Variants in ZNF443 observed in about 807,000 individuals in gnomAD.
The protein encoded by ZNF443 is zinc finger protein 443, also known as Kruppel-type zinc finger (C2H2).
Under a neutral mutation model 12.0 loss-of-function variants are expected in ZNF443, and 3 were observed. The observed-to-expected ratio is 0.25, with a 90% CI of 0.11 to 0.64. The LOEUF is 0.64. Among genes scored for constraint, ZNF443 ranks in the 30% least tolerant of loss-of-function variants. The pLI is 0.84. For synonymous variants in ZNF443, 225 were observed against 265.9 expected (o/e 0.85, Z 1.50); for missense variants, 770 against 808.8 (o/e 0.95, Z 0.58).
chr19:12,431,305 G>A lies in ZNF443; in HGVS notation c.867C>T (p.Ala289=). 1 of 1,614,122 alleles carries A rather than the reference G, an allele frequency of 6.2e-7. No homozygotes were observed. The highest frequency in any genetic ancestry group is 8.5e-7 in the Non-Finnish European group (1 of 1,179,974). ...TTAGACAAGAACTGGAATCAGGGAA[G>A]GCTTTAGAACACTGCTTACATTTAT... The part of the protein sequence containing the change: ...KPYKCKQCSK[A]FPDSSSCLIH... Residue 289 remains alanine (A), a synonymous_variant, in exon 4 of 4, where the codon GCC becomes GCT. Coordinates refer to ENST00000301547, the MANE Select transcript of ZNF443 (RefSeq NM_005815.5).
At chr19:12,432,008 A>C in intron 3 of ZNF443, 28 bp from the exon 4 acceptor site, 2 of 1,507,894 alleles carry the variant, frequency 1.3e-6, no homozygotes, top group Middle Eastern at 1.8e-4. Flanking sequence ...TATATCACTA[A>C]AAGTCGGTCT....
rs1192243739 is a variant in ZNF443 at position 12,431,620 on chromosome 19, A to G, written c.552T>C (p.Leu184=). 1.9e-6 allele frequency: 3 copies of G among 1,614,156 alleles called. No homozygotes were observed. The highest frequency in any genetic ancestry group is 3.3e-5 in the Admixed American group (2 of 60,014). ...CACGCTGCACTGCCATGTGTCTTTG[A>G]AGGTTTCCCAAAGAACTGAAGGACT... is the stretch of plus-strand genomic sequence containing the variant. ...CGKSFSSLGN[L]QRHMAVQRGD... The change falls in exon 4 of 4, where the codon CTT becomes CTC. Residue 184 remains leucine, a synonymous_variant. Coordinates refer to ENST00000301547, the MANE Select transcript of ZNF443 (RefSeq NM_005815.5).
At position 12,431,322 on chromosome 19, in the gene ZNF443, T is replaced by G. The variant is rs745339009; in HGVS notation, c.850A>C (p.Lys284Gln). Residue 284 changes from lysine (K) to glutamine (Q), a missense_variant, in exon 4 of 4, where the codon AAG (lysine) becomes CAG (glutamine). Lys to Gln is a moderately conservative substitution (Grantham distance 53, BLOSUM62 1). Coordinates refer to ENST00000301547, the MANE Select transcript of ZNF443 (RefSeq NM_005815.5). ...TCAGGGAAGGCTTTAGAACACTGCT[T>G]ACATTTATATGGTTTCTCCCCAGTA... ...THTGEKPYKCKQCSKAFPDSS... is the reference protein window; with the variant it reads ...THTGEKPYKCQQCSKAFPDSS... The G allele has an allele frequency of 1.2e-6, 2 of 1,614,052 alleles. No homozygotes were observed. Among genetic ancestry groups the G allele is most frequent in the African/African-American group, 2.7e-5 (2 of 74,950 alleles).
rs748533128 is a variant in ZNF443 at position 12,431,329 on chromosome 19, A to G, written c.843T>C (p.Tyr281=). ...AGGCTTTAGAACACTGCTTACATTT[A>G]TATGGTTTCTCCCCAGTATGTGTTC... ...HERTHTGEKP[Y]KCKQCSKAFP... is the part of the protein sequence containing the mutation. Residue 281 remains tyrosine, a synonymous_variant, in exon 4 of 4, where the codon TAT becomes TAC. Coordinates refer to ENST00000301547, the MANE Select transcript of ZNF443 (RefSeq NM_005815.5). The G allele has an allele frequency of 1.2e-6, 2 of 1,613,972 alleles. No individual in the cohort carries two copies. Among genetic ancestry groups the G allele is most frequent in the Non-Finnish European group, 1.7e-6 (2 of 1,179,958 alleles).
rs751603781 is a variant in ZNF443 at position 12,440,921 on chromosome 19, A to G, written c.-7T>C. 6.2e-7 allele frequency: 1 copy of G among 1,613,832 alleles called. No individual in the cohort carries two copies. On this transcript the variant is annotated 5_prime_UTR_variant, in exon 1 of 4. Transcript: ENST00000301547. The stretch of plus-strand genomic sequence containing the variant: ...GGCCCAGCACACGCACCATTTCCCG[A>G]CTTCCGCGGTGTCCCAGGTCCTACC...
rs778442551 is a variant in ZNF443 at position 12,430,604 on chromosome 19, T to C, written c.1568A>G (p.Lys523Arg). Residue 523 changes from lysine to arginine, a missense_variant, in exon 4 of 4, where the codon AAA (lysine) becomes AGA (arginine). Lys to Arg is a conservative substitution (Grantham distance 26). Around this residue, in one of 3 missense-constraint regions of ZNF443, gnomAD observed 736 missense variants for 689.4 expected, o/e 1.07. Transcript: ENST00000301547. ...FSRFRYLSRH[K>R]RTHTGEKPYE... ...AGGTTTCTCTCCTGTGTGAGTCCTT[T>C]TATGTCGAGAAAGGTATCTGAAACG... is the stretch of plus-strand genomic sequence containing the variant. 12 of 1,613,828 alleles carry C rather than the reference T, an allele frequency of 7.4e-6. No individual in the cohort carries two copies. The highest frequency in any genetic ancestry group is 3.3e-4 in the Middle Eastern group (2 of 6,082).
At chr19:12,436,292 C>A (rs1177545636) in intron 1 of ZNF443, among the ~76,000 whole-genome samples, 2 of 146,190 alleles carry the variant, frequency 1.4e-5, no homozygotes, top group African/African-American at 2.6e-5. Flanking sequence ...ACCAGCCTGG[C>A]CAATGTGGTG....
Position 12,431,792 on chromosome 19 carries a change from C to G in ZNF443, c.380G>C (p.Gly127Ala). The stretch of plus-strand genomic sequence containing the variant: ...TTCATGATACTCATGTGGTTTGTGC[C>G]CAGCACCAACTCTGATGTAACAATT... The part of the protein sequence containing the change: ...SLNCYIRVGA[G>A]HKPHEYHECG... Residue 127 changes from glycine to alanine, a missense_variant, in exon 4 of 4, where the codon GGG becomes GCG. Gly to Ala is a moderately conservative substitution (Grantham distance 60). Transcript: ENST00000301547. The G allele has an allele frequency of 1.9e-6, 3 of 1,614,100 alleles. No homozygotes were observed. The highest frequency in any genetic ancestry group is 2.5e-6 in the Non-Finnish European group (3 of 1,180,004).
chr19:12,430,279 C>A lies in ZNF443; in HGVS notation c.1893G>T (p.Leu631Phe), dbSNP rs1352317351. 1 of 1,611,192 alleles carries A rather than the reference C, an allele frequency of 6.2e-7. No individual in the cohort carries two copies. The highest frequency in any genetic ancestry group is 8.5e-7 in the Non-Finnish European group (1 of 1,179,096). Residue 631 changes from leucine to phenylalanine, a missense_variant, in exon 4 of 4, where the codon TTG (leucine) becomes TTT (phenylalanine). By Grantham distance (22) the Leu-to-Phe change is conservative (BLOSUM62 0). Transcript: ENST00000301547. Reference sequence around the variant, plus strand: ...TCCAGTGAGTCTTTTTATGTCTATGCAAGGAACTGAGAGAAGCAAATGCTT... The same window carrying A: ...TCCAGTGAGTCTTTTTATGTCTATGAAAGGAACTGAGAGAAGCAAATGCTT... Reference protein sequence around the residue: ...CGKAFASLSSLHRHKKTHWKK... With the variant: ...CGKAFASLSSFHRHKKTHWKK...
At position 12,431,780 on chromosome 19, in the gene ZNF443, T is replaced by A; in HGVS notation, c.392A>T (p.His131Leu). Reference sequence around the variant, plus strand: ...CTTCTCTCCACATTCATGATACTCATGTGGTTTGTGCCCAGCACCAACTCT... The same window carrying A: ...CTTCTCTCCACATTCATGATACTCAAGTGGTTTGTGCCCAGCACCAACTCT... ...YIRVGAGHKP[H>L]EYHECGEKPD... Residue 131 changes from histidine to leucine, a missense_variant, in exon 4 of 4, where the codon CAT becomes CTT. Physicochemically the swap from His to Leu is moderately conservative, Grantham distance 99. This residue lies in a region of ZNF443 where 736 missense variants were observed against 689.4 expected (regional missense o/e 1.07). Transcript: ENST00000301547. 6.2e-7 allele frequency: 1 copy of A among 1,614,194 alleles called. No individual in the cohort carries two copies. Among genetic ancestry groups the A allele is most frequent in the Non-Finnish European group, 8.5e-7 (1 of 1,180,014 alleles).
chr19:12,433,704 T>A (rs1258666339), intron 1 of ZNF443, among the ~76,000 whole-genome samples: 2 of 152,132 alleles, frequency 1.3e-5, no homozygotes, highest in African/African-American at 4.8e-5. Flanking sequence ...AGTATTTCGT[T>A]AACTCCCATC....
chr19:12,430,651 C>T lies in ZNF443; in HGVS notation c.1521G>A (p.Lys507=), dbSNP rs887973522. 2 of 1,613,948 alleles carry T rather than the reference C, an allele frequency of 1.2e-6. No individual in the cohort carries two copies. Among genetic ancestry groups the T allele is most frequent in the African/African-American group, 1.3e-5 (1 of 74,920 alleles). ...THTGEKPYEC[K]ECGKAFSRFR... Reference sequence around the variant, plus strand: ...AACGACTGAATGCTTTCCCACATTCCTTACACTCATATGGCTTCTCTCCAG... The same window carrying T: ...AACGACTGAATGCTTTCCCACATTCTTTACACTCATATGGCTTCTCTCCAG... Residue 507 remains lysine (K), a synonymous_variant, in exon 4 of 4, where the codon AAG becomes AAA. Coordinates refer to ENST00000301547, the MANE Select transcript of ZNF443 (RefSeq NM_005815.5).
Position 12,430,920 on chromosome 19 carries a change from C to T in ZNF443, c.1252G>A (p.Asp418Asn). The T allele has an allele frequency of 6.2e-7, 1 of 1,614,006 alleles. No homozygotes were observed. Among genetic ancestry groups the T allele is most frequent in the Non-Finnish European group, 8.5e-7 (1 of 1,179,980 alleles). ...CATACCTTGCATTTATGAGGTCCAT[C>T]TCCAGTGTGCATTATCATATGACTT... ...FRSHMIMHTGDGPHKCKVCGK... is the reference protein window; with the variant it reads ...FRSHMIMHTGNGPHKCKVCGK... Residue 418 changes from aspartate (D) to asparagine (N), a missense_variant, in exon 4 of 4, where the codon GAT becomes AAT. Physicochemically the swap from Asp to Asn is conservative, Grantham distance 23 (BLOSUM62 1). This residue lies in a region of ZNF443 where 736 missense variants were observed against 689.4 expected (regional missense o/e 1.07). Transcript: ENST00000301547.
At chr19:12,432,083 C>T in intron 3 of ZNF443, 103 bp from the exon 4 acceptor site, 1 of 1,002,068 alleles carries the variant, frequency 1.0e-6, no homozygotes. Flanking sequence ...ATGCGAAGTG[C>T]AGGCTTCGTG....
intron 1 of ZNF443, among the ~76,000 whole-genome samples, chr19:12,439,053 C>T (rs543045473): frequency 6.6e-6 from 1 of 152,180 alleles, no homozygotes; most frequent in South Asian, 2.1e-4. Context: ...CTGGGACATC[C>T]CTTAACCCTA....
At position 12,430,636 on chromosome 19, in the gene ZNF443, T is replaced by A; in HGVS notation, c.1536A>T (p.Ala512=). 1.2e-6 allele frequency: 2 copies of A among 1,614,066 alleles called. No homozygotes were observed. Among genetic ancestry groups the A allele is most frequent in the Non-Finnish European group, 1.7e-6 (2 of 1,179,948 alleles). ...GAGAAAGGTATCTGAAACGACTGAA[T>A]GCTTTCCCACATTCCTTACACTCAT... is the stretch of plus-strand genomic sequence containing the variant. ...KPYECKECGK[A]FSRFRYLSRH... Residue 512 remains alanine, a synonymous_variant, in exon 4 of 4, where the codon GCA becomes GCT. Coordinates refer to ENST00000301547, the MANE Select transcript of ZNF443 (RefSeq NM_005815.5).
In ZNF443 at chr19:12,430,676, G is replaced by A. The variant is rs749880157; in HGVS notation, c.1496C>T (p.Thr499Ile). Residue 499 changes from threonine (T) to isoleucine (I), a missense_variant, in exon 4 of 4, where the codon ACT (threonine) becomes ATT (isoleucine). Physicochemically the swap from Thr to Ile is moderately conservative, Grantham distance 89. Transcript: ENST00000301547. ...CTTACACTCATATGGCTTCTCTCCAGTGTGAGTTGTTTTGTGATTTTGAAA... is the reference window on the plus strand; with the variant it reads ...CTTACACTCATATGGCTTCTCTCCAATGTGAGTTGTTTTGTGATTTTGAAA... ...CSFQNHKTTH[T>I]GEKPYECKEC... The A allele has an allele frequency of 1.2e-6, 2 of 1,614,066 alleles. No individual in the cohort carries two copies. Among genetic ancestry groups the A allele is most frequent in the South Asian group, 1.1e-5 (1 of 91,076 alleles).
rs765416042 is a variant in ZNF443, at chr19:12,432,012, T to C, written c.192-32A>G. 6.0e-6 allele frequency: 9 copies of C among 1,501,430 alleles called. No homozygotes were observed. In the East Asian group the frequency reaches 1.8e-4, roughly 30 times the overall value. The allele number at this position is 1,501,430 out of a possible 1,614,324, so 93.0% of individuals were successfully genotyped here. ...AAAATGGGAAATATATCACTAAAAG[T>C]CGGTCTATAAATAATTGTATAGGTA... On this transcript the variant is annotated intron_variant, in intron 3 of 3. Coordinates refer to ENST00000301547, the MANE Select transcript of ZNF443 (RefSeq NM_005815.5).
chr19:12,435,860 G>T (rs1238431921), intron 1 of ZNF443, among the ~76,000 whole-genome samples: 1 of 151,808 alleles, frequency 6.6e-6, no homozygotes, highest in African/African-American at 2.4e-5. Context: ...TTAAACAAAT[G>T]AACAATTACA....
Sources: allele counts gnomAD v4.1 joint callset (sites outside exome capture counted in the v4.1 genomes callset), GRCh38; gene constraint gnomAD v4.1.1; regional missense constraint gnomAD v4.1.1; transcripts MANE v1.5; gene names NCBI Gene and HGNC (gene_info 2026-07-23, HGNC 2026-07-21).